The following YME1L1 variants were observed in gnomAD, a reference collection of about 807,000 sequenced individuals.
YME1L1 encodes the protein ATP-dependent zinc metalloprotease YME1L1.
In YME1L1, 39 loss-of-function variants were observed where a neutral mutation model predicts 90.4. That is an observed-to-expected ratio of 0.43 (90% confidence interval 0.33 to 0.56). YME1L1 has a LOEUF of 0.56. Among genes scored for constraint, YME1L1 ranks in the 20% least tolerant of loss-of-function variants. The pLI, the probability that YME1L1 is intolerant of heterozygous loss-of-function variation, is 0.03. For missense variants in YME1L1, 617 were observed against 868.4 expected, an observed-to-expected ratio of 0.71 and a Z score of 3.64; for synonymous variants, 284 against 287.3, an observed-to-expected ratio of 0.99 and a Z score of 0.12.
Position 27,121,464 on chromosome 10 carries a change from A to C in YME1L1, c.1236-16T>G, listed in dbSNP as rs1393369486. On this transcript the variant is annotated splice_polypyrimidine_tract_variant and intron_variant, in intron 11 of 18. Coordinates refer to ENST00000376016, the MANE Select transcript of YME1L1 (RefSeq NM_014263.4). ...GGGTTTAAAACTATATTGGAAAAAAAATAGTATCTTTTACTAACACTGAAG... is the reference window on the plus strand; with the variant it reads ...GGGTTTAAAACTATATTGGAAAAAACATAGTATCTTTTACTAACACTGAAG... 2 of 1,539,138 alleles carry C rather than the reference A, an allele frequency of 1.3e-6. No homozygotes were observed. Among genetic ancestry groups the C allele is most frequent in the Admixed American group, 1.7e-5 (1 of 59,776 alleles).
intron 9 of YME1L1, among the ~76,000 whole-genome samples, chr10:27,125,284 T>C (rs2056905216): frequency 1.3e-5 from 2 of 152,092 alleles, no homozygotes. Flanking sequence ...ATTAGAAGGA[T>C]ACTGTGAAGT....
At chr10:27,120,954 A>AT (rs2056861411) in intron 12 of YME1L1, among the ~76,000 whole-genome samples, 1 of 151,996 alleles carries the variant, frequency 6.6e-6, no homozygotes, top group East Asian at 1.9e-4. Context: ...CTACAGTAAA[A>AT]TTTTTTCATA....
At chr10:27,148,507 C>A (rs1337435684) in intron 2 of YME1L1, among the ~76,000 whole-genome samples, 1 of 152,112 alleles carries the variant, frequency 6.6e-6, no homozygotes, top group East Asian at 1.9e-4. Flanking sequence ...CCGGTCTCTG[C>A]CACCAGAGAC....
chr10:27,138,736 A>T (rs1472334838), intron 4 of YME1L1, among the ~76,000 whole-genome samples: 1 of 152,086 alleles, frequency 6.6e-6, no homozygotes, highest in Non-Finnish European at 1.5e-5. Context: ...ATCACCTGCA[A>T]ATTATAATTT....
chr10:27,140,357 G>A (rs1257398724), intron 4 of YME1L1, among the ~76,000 whole-genome samples: 1 of 152,110 alleles, frequency 6.6e-6, no homozygotes, highest in African/African-American at 2.4e-5. Flanking sequence ...TCCTCACCAA[G>A]AGTCTGATAT....
intron 18 of YME1L1, 131 bp from the exon 19 acceptor site, chr10:27,112,251 G>T: frequency 1.2e-6 from 1 of 848,818 alleles, no homozygotes. Flanking sequence ...AAATCATGTA[G>T]AATCTTGATT....
rs751932374 is a variant in YME1L1, at chr10:27,148,923, C to T, written c.151G>A (p.Glu51Lys). Reference protein sequence around the residue: ...NQHRDVVPEHEAPSSEPSLNL... With the variant: ...NQHRDVVPEHKAPSSEPSLNL... Reference sequence around the variant, plus strand: ...AGACTTACCTCACTGCTGGGAGCCTCATGCTCAGGAACTACATCTCGATGC... The same window carrying T: ...AGACTTACCTCACTGCTGGGAGCCTTATGCTCAGGAACTACATCTCGATGC... The change falls in exon 2 of 19, where the codon GAG becomes AAG. Residue 51 changes from glutamate to lysine, a missense_variant. By Grantham distance (56) the Glu-to-Lys change is moderately conservative. Transcript: ENST00000376016. The T allele has an allele frequency of 1.9e-6, 3 of 1,613,950 alleles. No individual in the cohort carries two copies. The highest frequency in any genetic ancestry group is 1.1e-5 in the South Asian group (1 of 91,028).
At chr10:27,113,926 C>G (rs1050760925) in intron 18 of YME1L1, among the ~76,000 whole-genome samples, 3 of 150,768 alleles carry the variant, frequency 2.0e-5, no homozygotes, top group African/African-American at 7.3e-5. Flanking sequence ...TACACTCTAG[C>G]CTGGGCAGCA....
At chr10:27,123,892 G>C (rs773829161) in intron 9 of YME1L1, among the ~76,000 whole-genome samples, 193 bp from the exon 10 acceptor site, 60 of 151,580 alleles carry the variant, frequency 4.0e-4, no homozygotes, top group Non-Finnish European at 7.5e-4. Context: ...CAAAATTAAT[G>C]TTCCTGTATT....
chr10:27,112,343 A>G (rs2056767171), intron 18 of YME1L1, among the ~76,000 whole-genome samples: 1 of 152,194 alleles, frequency 6.6e-6, no homozygotes, highest in South Asian at 2.1e-4. Context: ...CACCTCTTCT[A>G]TAACACTCTC....
At chr10:27,119,666 G>A (rs1429138605) in intron 13 of YME1L1, among the ~76,000 whole-genome samples, 1 of 152,036 alleles carries the variant, frequency 6.6e-6, no homozygotes, top group East Asian at 1.9e-4. Context: ...AAAATTAGCT[G>A]GGCATGGTGG....
At chr10:27,147,386 G>A (rs1386423574) in intron 2 of YME1L1, 3 of 1,571,446 alleles carry the variant, frequency 1.9e-6, no homozygotes, top group Non-Finnish European at 2.6e-6. Context: ...GGATGAGAGA[G>A]AAGGCTGATG....
intron 11 of YME1L1, 72 bp from the exon 12 acceptor site, chr10:27,121,520 A>T: frequency 8.8e-7 from 1 of 1,132,268 alleles, no homozygotes; most frequent in Non-Finnish European, 1.3e-6. Flanking sequence ...GCTCTACACA[A>T]AACTGGTTTG....
intron 18 of YME1L1, among the ~76,000 whole-genome samples, chr10:27,113,451 G>T (rs930162715): frequency 6.6e-6 from 1 of 151,072 alleles, no homozygotes; most frequent in Non-Finnish European, 1.5e-5. Context: ...TGGGTGGATC[G>T]CCTGAGGTCA....
intron 8 of YME1L1, 100 bp from the exon 9 acceptor site, chr10:27,126,886 G>T: frequency 1.5e-6 from 1 of 688,856 alleles, no homozygotes; most frequent in Non-Finnish European, 2.4e-6. Flanking sequence ...ATTTGGATAT[G>T]GAATTAACCT....
intron 11 of YME1L1, among the ~76,000 whole-genome samples, chr10:27,122,340 A>G (rs2056875873): frequency 6.6e-6 from 1 of 152,192 alleles, no homozygotes; most frequent in African/African-American, 2.4e-5. Flanking sequence ...ACCAATTCAA[A>G]TTATTTGCTC....
rs1405775420 is a variant in YME1L1, at chr10:27,117,577, T to C, written c.1718A>G (p.His573Arg). Residue 573 changes from histidine (H) to arginine (R), a missense_variant and splice_region_variant, in exon 15 of 19, where the codon CAT (histidine) becomes CGT (arginine). Transcript: ENST00000376016. ...TIMPRGPTLG[H>R]VSLLPENDRW... is the part of the protein sequence containing the mutation. ...GGCGAGACACTACAAAAAACTTACA[T>C]GTCCAAGTGTTGGCCCCCGTGGCAT... is the stretch of plus-strand genomic sequence containing the variant. The C allele has an allele frequency of 9.9e-6, 16 of 1,613,112 alleles. No individual in the cohort carries two copies. The highest frequency in any genetic ancestry group is 1.4e-5 in the Non-Finnish European group (16 of 1,179,814).
At position 27,136,915 on chromosome 10, in the gene YME1L1, G is replaced by A. The variant is rs574049057; in HGVS notation, c.431-530C>T. Among the ~76,000 whole-genome samples, 27 of 151,396 alleles carry A rather than the reference G, an allele frequency of 1.8e-4. No homozygotes were observed. The East Asian group carries it at 4.9e-3, about 27-fold the overall frequency. On this transcript the variant is annotated intron_variant, in intron 4 of 18. Coordinates refer to ENST00000376016, the MANE Select transcript of YME1L1 (RefSeq NM_014263.4). ...TGGGATTATAGGCGTGAGCCACCGC[G>A]CCTGGCCTATTTTTTATGTTGATAG...
intron 1 of YME1L1, among the ~76,000 whole-genome samples, chr10:27,149,638 G>C (rs145167261): frequency 6.1e-5 from 9 of 148,182 alleles, no homozygotes; most frequent in Non-Finnish European, 1.0e-4. Context: ...TTGATCTCAG[G>C]AGGCGGAAGT....
Sources: allele counts gnomAD v4.1 joint callset (sites outside exome capture counted in the v4.1 genomes callset), GRCh38; gene constraint gnomAD v4.1.1; transcripts MANE v1.5; gene names NCBI Gene and HGNC (gene_info 2026-07-23, HGNC 2026-07-21).